NACC2: variants seen among roughly 807,000 people sequenced by gnomAD.
NACC2 encodes the protein NACC family member 2.
A neutral mutation model predicts 25.1 loss-of-function variants in NACC2; 8 were observed. The observed-to-expected ratio is 0.32, with a 90% confidence interval of 0.19 to 0.57. NACC2 has a LOEUF of 0.57. Among genes scored for constraint, NACC2 ranks in the 20% least tolerant of loss-of-function variants. The pLI is 0.89. For missense variants in NACC2, 644 were observed against 650.2 expected, an observed-to-expected ratio of 0.99 and a Z score of 0.10; for synonymous variants, 435 against 294.7, an observed-to-expected ratio of 1.48 and a Z score of -4.88.
At chr9:136,030,904 C>A (rs1259223972) in intron 2 of NACC2, among the ~76,000 whole-genome samples, 1 of 152,140 alleles carries the variant, frequency 6.6e-6, no homozygotes, top group Non-Finnish European at 1.5e-5. Context: ...TTCAAGTGAT[C>A]TGCCCACCTC....
chr9:136,088,552 C>T (rs1346145964), intron 1 of NACC2, among the ~76,000 whole-genome samples: 1 of 152,148 alleles, frequency 6.6e-6, no homozygotes, highest in East Asian at 1.9e-4. Context: ...ACTTGGGGCT[C>T]GTGGGGACCC....
rs950882342 is a variant in NACC2 at position 136,011,576 on chromosome 9, C to T, written c.1704G>A (p.Arg568=). Residue 568 remains arginine, a synonymous_variant, in exon 6 of 6, where the codon AGG becomes AGA. Transcript: ENST00000277554. ...PFEQGGGGPS[R]PQTPAAAARR... is the part of the protein sequence containing the mutation. ...GGGCCGCGGCCGCCGGCGTCTGGGG[C>T]CTGCTGGGGCCGCCCCCGCCCTGCT... is the stretch of plus-strand genomic sequence containing the variant. 2 of 1,406,776 alleles carry T rather than the reference C, an allele frequency of 1.4e-6. No individual in the cohort carries two copies. The highest frequency in any genetic ancestry group is 1.8e-6 in the Non-Finnish European group (2 of 1,086,352). 87.1% of individuals were successfully genotyped at this position (1,406,776 alleles called of 1,614,324 possible). A position where few individuals can be genotyped will look rare whatever the true frequency, so the allele number is the denominator to read the frequency against.
intron 1 of NACC2, among the ~76,000 whole-genome samples, chr9:136,056,891 T>C (rs1053881254): frequency 6.6e-6 from 1 of 152,224 alleles, no homozygotes; most frequent in African/African-American, 2.4e-5. Flanking sequence ...AGGGCAGTAC[T>C]CCAGGACCTG....
At chr9:136,079,635 A>C (rs1389654600) in intron 1 of NACC2, among the ~76,000 whole-genome samples, 2 of 152,190 alleles carry the variant, frequency 1.3e-5, no homozygotes, top group African/African-American at 4.8e-5. Context: ...GAGGCCCCCC[A>C]GAGCTCCTTC....
chr9:136,073,406 G>A (rs911662862), intron 1 of NACC2, among the ~76,000 whole-genome samples: 5 of 151,872 alleles, frequency 3.3e-5, no homozygotes, highest in Admixed American at 3.3e-4. Flanking sequence ...CTCCAGCCTG[G>A]GTGACAGAGC....
intron 2 of NACC2, among the ~76,000 whole-genome samples, chr9:136,023,291 G>C (rs1407663321): frequency 2.0e-5 from 3 of 151,764 alleles, no homozygotes; most frequent in Non-Finnish European, 4.4e-5. Context: ...GCACCCCCAG[G>C]AGCTTGCTCC....
In NACC2 at chr9:136,013,736, C is replaced by T. The variant is rs772896751; in HGVS notation, c.1157+128G>A. 33 of 808,982 alleles carry T rather than the reference C, an allele frequency of 4.1e-5. No individual in the cohort carries two copies. Among genetic ancestry groups the T allele is most frequent in the East Asian group, 3.6e-4 (13 of 36,548 alleles). 50.1% of individuals were successfully genotyped at this position (808,982 alleles called of 1,614,324 possible). The stretch of plus-strand genomic sequence containing the variant: ...CCACCGTCCTGGGGCCGACCGGCCA[C>T]GGCTGAAGTCAGGAATGCGAGAGGG... On this transcript the variant is annotated intron_variant, in intron 4 of 5. Transcript: ENST00000277554. The surrounding 1 kb of genome is among the most constrained non-coding windows in gnomAD (Gnocchi z 6.6).
At chr9:136,038,323 C>T (rs1310319671) in intron 2 of NACC2, among the ~76,000 whole-genome samples, 1 of 152,250 alleles carries the variant, frequency 6.6e-6, no homozygotes, top group Non-Finnish European at 1.5e-5. Context: ...ATTGCTTGAG[C>T]CCAGGCGTTC....
chr9:136,027,502 A>T (rs1425476472), intron 2 of NACC2, among the ~76,000 whole-genome samples: 1 of 152,230 alleles, frequency 6.6e-6, no homozygotes, highest in Non-Finnish European at 1.5e-5. Context: ...CCAGAGTAAC[A>T]AACTAGGCTG....
chr9:136,021,322 T>C (rs1400590149), intron 2 of NACC2, among the ~76,000 whole-genome samples: 1 of 148,362 alleles, frequency 6.7e-6, no homozygotes, highest in Non-Finnish European at 1.5e-5. Context: ...TCAAGCCATG[T>C]TGCGGTCCCA....
intron 1 of NACC2, among the ~76,000 whole-genome samples, chr9:136,077,882 T>TG (rs1481113874): frequency 6.6e-6 from 1 of 152,266 alleles, no homozygotes; most frequent in Non-Finnish European, 1.5e-5. Context: ...GGTGTGCCTT[T>TG]GGGAGTGAAA....
At position 136,018,089 on chromosome 9, in the gene NACC2, C is replaced by A. The variant is rs557220109; in HGVS notation, c.887-1660G>T. Among the ~76,000 whole-genome samples, 311 of 152,282 alleles carry A rather than the reference C, an allele frequency of 2.0e-3. 1 individual carries two copies. The highest frequency in any genetic ancestry group is 7.0e-3 in the African/African-American group (289 of 41,564). On this transcript the variant is annotated intron_variant, in intron 2 of 5. Transcript: ENST00000277554. The surrounding 1 kb of genome is among the most constrained non-coding windows in gnomAD (Gnocchi z 4.4). ...AGGGAGGGGTGGGGTGGAACCTGCA[C>A]GTCCAGCAGGCTCGGGGCAGGCAGC...
Position 136,022,763 on chromosome 9 carries a change from C to A in NACC2, c.887-6334G>T, listed in dbSNP as rs1460963346. 1.3e-5 allele frequency among the ~76,000 whole-genome samples: 2 copies of A among 152,040 alleles called. No homozygotes were observed. The highest frequency in any genetic ancestry group is 2.4e-5 in the African/African-American group (1 of 41,402). On this transcript the variant is annotated intron_variant, in intron 2 of 5. Coordinates refer to ENST00000277554, the MANE Select transcript of NACC2 (RefSeq NM_144653.5). This position sits in a 1 kb window ranked among gnomAD's most constrained non-coding sequence, Gnocchi z 4.4. ...CCTCCAGAAAGACCAGAAACGACTT[C>A]CACGCTGTACTTGGTGGGAGCACAG...
rs1021513955 is a variant in NACC2 at position 136,049,062 on chromosome 9, G to A, written c.886+574C>T. Among the ~76,000 whole-genome samples the A allele has an allele frequency of 1.4e-4, 22 of 152,362 alleles. No individual in the cohort carries two copies. The South Asian group carries it at 2.3e-3, about 16-fold the overall frequency. On this transcript the variant is annotated intron_variant, in intron 2 of 5. Transcript: ENST00000277554. ...AACAGTCTCCAGAGGCTGTAACCAG[G>A]AATCTCCAATTAGGGCAACCTGGGT... is the stretch of plus-strand genomic sequence containing the variant.
intron 2 of NACC2, among the ~76,000 whole-genome samples, chr9:136,028,885 G>A (rs147734110): frequency 2.6e-5 from 4 of 152,334 alleles, no homozygotes; most frequent in Admixed American, 6.5e-5. Context: ...AGGTGTATGT[G>A]CGCTCAGGGC....
chr9:136,064,623 T>C (rs1180679750), intron 1 of NACC2, among the ~76,000 whole-genome samples: 1 of 152,230 alleles, frequency 6.6e-6, no homozygotes, highest in Non-Finnish European at 1.5e-5. Context: ...TCCTTAATAA[T>C]GTTAATTAAG....
At position 136,020,118 on chromosome 9, in the gene NACC2, A is replaced by G. The variant is rs1347111591; in HGVS notation, c.887-3689T>C. Among the ~76,000 whole-genome samples, 1 of 152,174 alleles carries G rather than the reference A, an allele frequency of 6.6e-6. No individual in the cohort carries two copies. The highest frequency in any genetic ancestry group is 1.5e-5 in the Non-Finnish European group (1 of 68,026). On this transcript the variant is annotated intron_variant, in intron 2 of 5. Transcript: ENST00000277554. The surrounding 1 kb of genome is among the most constrained non-coding windows in gnomAD (Gnocchi z 4.7). ...GTGGGAATGCGCTTAGCATCACCGA[A>G]CCACGCACGTAAAAGTCACTGCAAC...
chr9:136,074,387 A>G, intron 1 of NACC2, among the ~76,000 whole-genome samples: 2 of 143,664 alleles, frequency 1.4e-5, no homozygotes, highest in African/African-American at 5.2e-5. Flanking sequence ...CGGGAGGCGG[A>G]GCTTGCAGTG....
At chr9:136,088,439 C>A (rs1268349815) in intron 1 of NACC2, among the ~76,000 whole-genome samples, 1 of 152,150 alleles carries the variant, frequency 6.6e-6, no homozygotes, top group Non-Finnish European at 1.5e-5. Context: ...AGCAGCTGCC[C>A]CTGAGCCCCT....
Sources: allele counts gnomAD v4.1 joint callset (sites outside exome capture counted in the v4.1 genomes callset), GRCh38; gene constraint gnomAD v4.1.1; non-coding constraint Gnocchi (gnomAD v3.1); transcripts MANE v1.5; gene names NCBI Gene and HGNC (gene_info 2026-07-23, HGNC 2026-07-21).